TRAF3: variants seen among roughly 807,000 people sequenced by gnomAD.
The protein encoded by TRAF3 is TNF receptor associated factor 3, also known as TNF receptor-associated factor 3.
Under a neutral mutation model 62.3 loss-of-function variants are expected in TRAF3, and 13 were observed. The ratio of observed to expected loss-of-function variants is 0.21; its 90% CI spans 0.14 to 0.33. The LOEUF (loss-of-function observed/expected upper bound fraction) is 0.33. Among genes scored for constraint, TRAF3 ranks in the 10% least tolerant of loss-of-function variants. The probability of loss-of-function intolerance (pLI) is 1.00; values close to 1 mark genes in which losing one functional copy is unlikely to be tolerated. For synonymous variants in TRAF3, 269 were observed against 283.4 expected (o/e 0.95, Z 0.51); for missense variants, 440 against 741.8 (o/e 0.59, Z 4.73).
intron 1 of TRAF3, among the ~76,000 whole-genome samples, chr14:102,790,409 T>A (rs547726499): frequency 6.6e-6 from 1 of 152,218 alleles, no homozygotes; most frequent in Admixed American, 6.5e-5. Context: ...TATATTAGTC[T>A]GTTCTCATGC....
Position 102,835,250 on chromosome 14 carries a change from A to G in TRAF3, c.-18+4778A>G, listed in dbSNP as rs139562385. ...TAACTATTATTAAAAAGTCAAAAAT[A>G]AGATGCTTATTTTGAGGGTATGGAG... On this transcript the variant is annotated intron_variant, in intron 2 of 11. Transcript: ENST00000392745. 5.7e-3 allele frequency among the ~76,000 whole-genome samples: 867 copies of G among 152,298 alleles called. 8 individuals are homozygous for G. The highest frequency in any genetic ancestry group is 9.8e-3 in the Admixed American group (150 of 15,296).
Position 102,870,441 on chromosome 14 carries a change from G to A in TRAF3, c.240G>A (p.Leu80=). 4 of 1,613,334 alleles carry A rather than the reference G, an allele frequency of 2.5e-6. No homozygotes were observed. The highest frequency in any genetic ancestry group is 3.4e-6 in the Non-Finnish European group (4 of 1,179,886). The change falls in exon 3 of 12, where the codon CTG becomes CTA. Residue 80 remains leucine (L), a synonymous_variant. Transcript: ENST00000392745. ...HRFCESCMAA[L]LSSSSPKCTA... ...TCTGCGAGAGCTGCATGGCGGCCCTGCTGAGGTAGGCGCCCTCGCCCGGCC... is the reference window on the plus strand; with the variant it reads ...TCTGCGAGAGCTGCATGGCGGCCCTACTGAGGTAGGCGCCCTCGCCCGGCC...
chr14:102,830,116 C>T (rs570120512), intron 1 of TRAF3, among the ~76,000 whole-genome samples: 23 of 152,266 alleles, frequency 1.5e-4, no homozygotes, highest in Admixed American at 5.2e-4. Flanking sequence ...TGGTTGCTGC[C>T]GAGGCGGCAG....
At chr14:102,858,547 C>T (rs1283363936) in intron 2 of TRAF3, among the ~76,000 whole-genome samples, 2 of 152,162 alleles carry the variant, frequency 1.3e-5, no homozygotes, top group Non-Finnish European at 2.9e-5. Flanking sequence ...GACTATAAAC[C>T]ACCTTTTGAA....
Position 102,876,339 on chromosome 14 carries a change from T to C in TRAF3, c.403-19T>C, listed in dbSNP as rs1204886187. 1 of 1,613,852 alleles carries C rather than the reference T, an allele frequency of 6.2e-7. No individual in the cohort carries two copies. The highest frequency in any genetic ancestry group is 8.5e-7 in the Non-Finnish European group (1 of 1,179,826). On this transcript the variant is annotated intron_variant, in intron 5 of 11. Transcript: ENST00000392745. ...GGGTTTTTTTCCCAATTAAGAACAT[T>C]GAATGGTCTGTCTTACAGGTGCATT...
At chr14:102,900,694 C>T (rs779630621) in intron 10 of TRAF3, among the ~76,000 whole-genome samples, 34 of 152,198 alleles carry the variant, frequency 2.2e-4, no homozygotes, top group South Asian at 4.1e-4. Flanking sequence ...CTTCTCACAG[C>T]GCCGGGCTTG....
chr14:102,793,067 C>T (rs1897890385), intron 1 of TRAF3, among the ~76,000 whole-genome samples: 1 of 152,152 alleles, frequency 6.6e-6, no homozygotes, highest in Non-Finnish European at 1.5e-5. Context: ...GCCTTGGCCT[C>T]CCAAAATGCT....
intron 1 of TRAF3, among the ~76,000 whole-genome samples, chr14:102,801,120 C>G (rs1043384806): frequency 1.4e-4 from 22 of 152,206 alleles, no homozygotes; most frequent in African/African-American, 4.6e-4. Flanking sequence ...GAGCGGAGAT[C>G]GCGCCACGGC....
chr14:102,856,646 C>T (rs527952176), intron 2 of TRAF3, among the ~76,000 whole-genome samples: 2 of 152,232 alleles, frequency 1.3e-5, no homozygotes, highest in Admixed American at 6.5e-5. Flanking sequence ...GAATGTAGCC[C>T]AGTGGGTCTC....
intron 1 of TRAF3, among the ~76,000 whole-genome samples, chr14:102,786,629 G>A (rs1362419053): frequency 6.6e-6 from 1 of 152,132 alleles, no homozygotes; most frequent in South Asian, 2.1e-4. Context: ...AGAGGTTGCA[G>A]TGAGCCAAGA....
At chr14:102,875,472 T>C in intron 4 of TRAF3, 152 bp from the exon 5 acceptor site, 1 of 626,316 alleles carries the variant, frequency 1.6e-6, no homozygotes, top group South Asian at 1.9e-5. Flanking sequence ...ATTCTACTTC[T>C]AGAAATCAAG....
chr14:102,882,124 A>G (rs557529826), intron 6 of TRAF3, among the ~76,000 whole-genome samples: 12 of 152,348 alleles, frequency 7.9e-5, no homozygotes, highest in South Asian at 6.2e-4. Flanking sequence ...ACCAGTTACA[A>G]TAGCTTAGCC....
intron 2 of TRAF3, among the ~76,000 whole-genome samples, chr14:102,839,404 GA>G (rs947487468): frequency 4.6e-5 from 7 of 152,060 alleles, no homozygotes; most frequent in African/African-American, 1.7e-4. Flanking sequence ...ATTTTTAGTA[GA>G]GACGGGGTTT....
intron 2 of TRAF3, among the ~76,000 whole-genome samples, chr14:102,852,616 A>C (rs1400214378): frequency 1.3e-5 from 2 of 152,212 alleles, no homozygotes; most frequent in Admixed American, 6.5e-5. Flanking sequence ...ACTTAGGATG[A>C]CATGAAATTC....
chr14:102,820,588 A>T (rs1386652345), intron 1 of TRAF3, among the ~76,000 whole-genome samples: 4 of 5,752 alleles, frequency 7.0e-4, no homozygotes, highest in African/African-American at 3.5e-3. Context: ...ATATATATAT[A>T]TATATATATA....
chr14:102,885,853 A>G (rs762139258), intron 6 of TRAF3, among the ~76,000 whole-genome samples: 8 of 152,138 alleles, frequency 5.3e-5, no homozygotes, highest in Admixed American at 1.3e-4. Flanking sequence ...CTGCCTGAGC[A>G]TTGCACGATA....
chr14:102,895,226 C>T (rs374261304), intron 9 of TRAF3: 12 of 391,890 alleles, frequency 3.1e-5, no homozygotes, highest in Middle Eastern at 3.5e-4. Flanking sequence ...AGTTCATGGA[C>T]GTATGAGGCA....
chr14:102,789,600 G>A (rs1284685792), intron 1 of TRAF3, among the ~76,000 whole-genome samples: 2 of 151,024 alleles, frequency 1.3e-5, no homozygotes, highest in Non-Finnish European at 3.0e-5. Flanking sequence ...ATATATGTGT[G>A]TGTGTGTGTG....
chr14:102,811,913 C>CTTTTTTTTTTTTTTGT lies in TRAF3; in HGVS notation c.-156-18407_-156-18406insGTTTTTTTTTTTTTTT, dbSNP rs1899196792. The stretch of plus-strand genomic sequence containing the variant: ...TAGGCTTGTGCCACCATGCCTGGCC[C>CTTTTTTTTTTTTTTGT]TTTTTTTTTTTTTTTTTTTTTTTTT... On this transcript the variant is annotated intron_variant, in intron 1 of 11. Coordinates refer to ENST00000392745, the MANE Select transcript of TRAF3 (RefSeq NM_145725.3). 8.5e-5 allele frequency among the ~76,000 whole-genome samples: 4 copies of CTTTTTTTTTTTTTTGT among 47,076 alleles called. 1 individual carries two copies. Among genetic ancestry groups the CTTTTTTTTTTTTTTGT allele is most frequent in the African/African-American group, 3.3e-4 (4 of 12,210 alleles). The allele number at this position is 47,076 out of a possible 152,430, so 30.9% of individuals were successfully genotyped here.
Sources: allele counts gnomAD v4.1 joint callset (sites outside exome capture counted in the v4.1 genomes callset), GRCh38; gene constraint gnomAD v4.1.1; transcripts MANE v1.5; gene names NCBI Gene and HGNC (gene_info 2026-07-23, HGNC 2026-07-21).